Variants in KMT2C observed in about 807,000 individuals in gnomAD.
KMT2C encodes histone-lysine N-methyltransferase 2C.
In KMT2C, 88 loss-of-function variants were observed where a neutral mutation model predicts 507.9. That is an observed-to-expected ratio of 0.17 (90% CI 0.15 to 0.21). The LOEUF is 0.21. Ranked by LOEUF, KMT2C falls within the 10% of genes least tolerant of loss-of-function variation. The pLI is 1.00. For missense variants in KMT2C, 4,954 were observed against 5,957.8 expected (o/e 0.83, Z 5.55); for synonymous variants, 2,049 against 2,080.8 (o/e 0.98, Z 0.42).
chr7:152,401,092 C>T (rs907870670), intron 1 of KMT2C, among the ~76,000 whole-genome samples: 1 of 150,538 alleles, frequency 6.6e-6, no homozygotes, highest in Non-Finnish European at 1.5e-5. Flanking sequence ...AGAAACTATT[C>T]ATTAACTTTT....
In KMT2C at chr7:152,222,511, G is replaced by T. The variant is rs1346785193; in HGVS notation, c.3433+62C>A. 4 of 807,558 alleles carry T rather than the reference G, an allele frequency of 5.0e-6. No homozygotes were observed. In the African/African-American group the frequency reaches 5.1e-5, roughly 10 times the overall value. The allele number at this position is 807,558 out of a possible 1,614,324, so 50.0% of individuals were successfully genotyped here. ...GAGCTAAGCTAATTCATTGGTTATG[G>T]ACAGTAAGGTGCAAGTGAGTGGTAC... is the stretch of plus-strand genomic sequence containing the variant. On this transcript the variant is annotated intron_variant, in intron 21 of 58. Transcript: ENST00000262189.
intron 1 of KMT2C, among the ~76,000 whole-genome samples, chr7:152,369,561 T>C (rs1304768521): frequency 6.6e-6 from 1 of 152,196 alleles, no homozygotes; most frequent in Admixed American, 6.5e-5. Flanking sequence ...TGAGAGGTGG[T>C]ACCTTTAAGA....
At chr7:152,313,326 G>T (rs183553884) in intron 4 of KMT2C, among the ~76,000 whole-genome samples, 28 of 152,080 alleles carry the variant, frequency 1.8e-4, no homozygotes, top group African/African-American at 6.5e-4. Flanking sequence ...AGGGAAAGGG[G>T]TGTAAAAAAA....
chr7:152,207,928 T>C (rs1487898364), intron 23 of KMT2C, among the ~76,000 whole-genome samples: 1 of 152,150 alleles, frequency 6.6e-6, no homozygotes, highest in Non-Finnish European at 1.5e-5. Flanking sequence ...ACCACCTCAA[T>C]CATTCCTAAT....
intron 1 of KMT2C, among the ~76,000 whole-genome samples, chr7:152,398,658 C>T (rs185207786): frequency 2.2e-4 from 33 of 150,554 alleles, no homozygotes; most frequent in African/African-American, 8.0e-4. Flanking sequence ...CCTCGGCCTT[C>T]CCAAGTATTG....
At chr7:152,193,588 A>G (rs938624826) in intron 31 of KMT2C, among the ~76,000 whole-genome samples, 20 of 152,180 alleles carry the variant, frequency 1.3e-4, no homozygotes, top group Non-Finnish European at 2.4e-4. Context: ...AATGAAAAAC[A>G]TGGGGGTGGG....
chr7:152,351,422 A>T (rs1020279534), intron 2 of KMT2C, among the ~76,000 whole-genome samples: 1 of 152,318 alleles, frequency 6.6e-6, no homozygotes, highest in Non-Finnish European at 1.5e-5. Context: ...CAGCTATGAC[A>T]TATTGAGGTG....
At chr7:152,136,970 C>G (rs1324855585) in intron 58 of KMT2C, 46 bp from the exon 59 acceptor site, 1 of 1,441,408 alleles carries the variant, frequency 6.9e-7, no homozygotes, top group Non-Finnish European at 9.7e-7. Flanking sequence ...GCAAGGAAGG[C>G]AATAGCGTTT....
At chr7:152,189,999 A>C (rs1563325508) in intron 31 of KMT2C, among the ~76,000 whole-genome samples, 1 of 152,170 alleles carries the variant, frequency 6.6e-6, no homozygotes, top group East Asian at 1.9e-4. Context: ...CTGTCAGATC[A>C]GTGGCGGTAT....
rs746296547 is a variant in KMT2C, at chr7:152,311,315, C to T, written c.739+483G>A. On this transcript the variant is annotated intron_variant, in intron 5 of 58. Transcript: ENST00000262189. ...TATCCATCACATAACACTTGAACCA[C>T]TATCAGTCAATCTGCAGTTCAACTA... Among the ~76,000 whole-genome samples, 90 of 152,280 alleles carry T rather than the reference C, an allele frequency of 5.9e-4. 2 individuals carry two copies. In the Middle Eastern group the frequency reaches 0.027, roughly 46 times the overall value.
intron 9 of KMT2C, among the ~76,000 whole-genome samples, chr7:152,257,508 G>A (rs915138549): frequency 4.6e-5 from 7 of 152,058 alleles, no homozygotes; most frequent in African/African-American, 1.4e-4. Context: ...ACTAAGAAAA[G>A]AAAGGGGAAT....
intron 1 of KMT2C, among the ~76,000 whole-genome samples, chr7:152,374,806 C>T (rs1478047637): frequency 1.3e-5 from 2 of 151,192 alleles, no homozygotes; most frequent in Admixed American, 6.6e-5. Context: ...TGGCTTGAAC[C>T]CGAGAGGCGG....
intron 24 of KMT2C, among the ~76,000 whole-genome samples, chr7:152,206,446 A>G (rs1214600757): frequency 1.3e-5 from 2 of 152,174 alleles, no homozygotes; most frequent in East Asian, 3.9e-4. Context: ...TGACCTATTT[A>G]AAAGATAGGT....
intron 7 of KMT2C, among the ~76,000 whole-genome samples, chr7:152,268,253 T>C (rs1339485720): frequency 1.3e-5 from 2 of 152,032 alleles, no homozygotes; most frequent in Admixed American, 1.3e-4. Context: ...CACTCCAGCC[T>C]GGGGGACAGA....
chr7:152,157,986 T>C (rs2092182649), intron 44 of KMT2C: 1 of 1,181,346 alleles, frequency 8.5e-7, no homozygotes, highest in South Asian at 1.4e-5. Context: ...GTAGCTCAAC[T>C]TTCTAAGACC....
At chr7:152,401,114 T>C (rs940805402) in intron 1 of KMT2C, among the ~76,000 whole-genome samples, 2 of 151,424 alleles carry the variant, frequency 1.3e-5, no homozygotes, top group Non-Finnish European at 2.9e-5. Flanking sequence ...TTTTTTTTTT[T>C]TCACTCTGTC....
rs549958683 is a variant in KMT2C at position 152,401,327 on chromosome 7, G to A, written c.161+34299C>T. Among the ~76,000 whole-genome samples the A allele has an allele frequency of 4.9e-4, 74 of 151,928 alleles. 1 individual carries two copies. Among genetic ancestry groups the A allele is most frequent in the Admixed American group, 1.9e-3 (29 of 15,276 alleles). ...CCTCCCGCCCTCAGGTGATCAGCCC[G>A]CCTCAGCCTCCCGAAGTGCTGGGAT... On this transcript the variant is annotated intron_variant, in intron 1 of 58. Transcript: ENST00000262189.
In KMT2C at chr7:152,233,551, C is replaced by A. The variant is rs2095187734; in HGVS notation, c.2769+2266G>T. 2.0e-5 allele frequency among the ~76,000 whole-genome samples: 3 copies of A among 151,940 alleles called. No homozygotes were observed. In the South Asian group the frequency reaches 6.2e-4, roughly 32 times the overall value. On this transcript the variant is annotated intron_variant, in intron 16 of 58. Transcript: ENST00000262189. ...AAACAGAAAGGGGAAAGAAAATAGACAAAAGTCCATGAAAACAAAGGCTGA... is the reference window on the plus strand; with the variant it reads ...AAACAGAAAGGGGAAAGAAAATAGAAAAAAGTCCATGAAAACAAAGGCTGA...
chr7:152,410,629 ATAT>A (rs2116665171), intron 1 of KMT2C, among the ~76,000 whole-genome samples: 1 of 147,162 alleles, frequency 6.8e-6, no homozygotes, highest in African/African-American at 2.5e-5. Context: ...TATATTATAA[ATAT>A]TATATATAAT....
Sources: gnomAD v4.1 joint callset for allele counts (sites outside exome capture counted in the v4.1 genomes callset) on GRCh38, gnomAD v4.1.1 for gene constraint, MANE v1.5 for transcripts, NCBI Gene and HGNC (gene_info 2026-07-23, HGNC 2026-07-21) for gene names.